The following ETV6 variants were observed in gnomAD, a reference collection of about 807,000 sequenced individuals.
ETV6 encodes the protein ETS variant transcription factor 6.
In ETV6, 16 loss-of-function variants were observed where a neutral mutation model predicts 51.1. That is an observed-to-expected ratio of 0.31 (90% CI 0.21 to 0.48). The LOEUF (loss-of-function observed/expected upper bound fraction) is 0.48, where lower values mean the gene tolerates loss of function less well. Ranked by LOEUF, ETV6 falls within the 20% of genes least tolerant of loss-of-function variation. ETV6 has a pLI of 0.99. For missense variants in ETV6, 458 were observed against 594.8 expected, an observed-to-expected ratio of 0.77 and a Z score of 2.39; for synonymous variants, 240 against 224.1, an observed-to-expected ratio of 1.07 and a Z score of -0.64.
intron 1 of ETV6, among the ~76,000 whole-genome samples, chr12:11,724,941 A>G (rs1197265326): frequency 6.6e-6 from 1 of 152,142 alleles, no homozygotes; most frequent in African/African-American, 2.4e-5. Flanking sequence ...GTTGCTCCAG[A>G]CACATAGGTC....
At chr12:11,825,608 G>T (rs1327038310) in intron 2 of ETV6, 2 of 152,146 alleles carry the variant, frequency 1.3e-5, no homozygotes, top group Non-Finnish European at 2.9e-5. Flanking sequence ...AATGACGTCT[G>T]CAAAGAGCCA....
At position 11,722,283 on chromosome 12, in the gene ETV6, T is replaced by C. The variant is rs1463843522; in HGVS notation, c.34-30167T>C. Among the ~76,000 whole-genome samples the C allele has an allele frequency of 2.6e-5, 4 of 152,304 alleles. No homozygotes were observed. In the East Asian group the frequency reaches 7.7e-4, roughly 29 times the overall value. On this transcript the variant is annotated intron_variant, in intron 1 of 7. Coordinates refer to ENST00000396373, the MANE Select transcript of ETV6 (RefSeq NM_001987.5). Reference sequence around the variant, plus strand: ...CTCCCCTGGGTATCTTCAGTAGAGGTGCTAATGAACAGTGAAATGGCCAAA... The same window carrying C: ...CTCCCCTGGGTATCTTCAGTAGAGGCGCTAATGAACAGTGAAATGGCCAAA...
At chr12:11,662,001 A>G (rs1375073110) in intron 1 of ETV6, among the ~76,000 whole-genome samples, 2 of 152,112 alleles carry the variant, frequency 1.3e-5, no homozygotes, top group African/African-American at 2.4e-5. Flanking sequence ...AGTATCTTTA[A>G]CTTTCGCCGA....
At chr12:11,684,937 G>A (rs770795960) in intron 1 of ETV6, among the ~76,000 whole-genome samples, 1 of 152,108 alleles carries the variant, frequency 6.6e-6, no homozygotes, top group Non-Finnish European at 1.5e-5. Context: ...ATCAGTGCTC[G>A]GAAAGAAACA....
chr12:11,759,248 C>A (rs1190013271), intron 2 of ETV6, among the ~76,000 whole-genome samples: 3 of 151,796 alleles, frequency 2.0e-5, no homozygotes, highest in Admixed American at 6.6e-5. Context: ...GCTCTGTGTA[C>A]ATTTAAGGCA....
At position 11,776,352 on chromosome 12, in the gene ETV6, T is replaced by C. The variant is rs1320370979; in HGVS notation, c.163+23773T>C. Among the ~76,000 whole-genome samples the C allele has an allele frequency of 2.0e-5, 3 of 152,230 alleles. No homozygotes were observed. In the East Asian group the frequency reaches 5.8e-4, roughly 29 times the overall value. The stretch of plus-strand genomic sequence containing the variant: ...AATAAATACCAACAAATACTAGAAA[T>C]GTTGATTTTTAGAATAATAAAATAT... On this transcript the variant is annotated intron_variant, in intron 2 of 7. Transcript: ENST00000396373.
rs144398801 is a variant in ETV6 at position 11,815,427 on chromosome 12, C to T, written c.164-23713C>T. 3.3e-5 allele frequency among the ~76,000 whole-genome samples: 5 copies of T among 152,344 alleles called. No individual in the cohort carries two copies. In the East Asian group the frequency reaches 9.6e-4, roughly 29 times the overall value. On this transcript the variant is annotated intron_variant, in intron 2 of 7. Transcript: ENST00000396373. Reference sequence around the variant, plus strand: ...GGAGAGTCCTCTTGGAGGACACCGACCCGTGGTGCCACCTCTGATTTGCAA... The same window carrying T: ...GGAGAGTCCTCTTGGAGGACACCGATCCGTGGTGCCACCTCTGATTTGCAA...
intron 4 of ETV6, among the ~76,000 whole-genome samples, chr12:11,857,181 A>G (rs1048790664): frequency 2.0e-5 from 3 of 152,254 alleles, no homozygotes; most frequent in South Asian, 2.1e-4. Flanking sequence ...TTTATATCAC[A>G]GTACAAATGT....
rs776231778 is a variant in ETV6, at chr12:11,883,276, C to CTTCTTCTTTTTT, written c.1010-1167_1010-1166insCTTCTTTTTTTT. Among the ~76,000 whole-genome samples the CTTCTTCTTTTTT allele has an allele frequency of 2.9e-3, 228 of 78,986 alleles. 4 individuals are homozygous for CTTCTTCTTTTTT. The highest frequency in any genetic ancestry group is 6.9e-3 in the Middle Eastern group (1 of 144). 51.8% of individuals were successfully genotyped at this position (78,986 alleles called of 152,430 possible). The stretch of plus-strand genomic sequence containing the variant: ...GGGAAGGTGTACATCATGTCTTCTT[C>CTTCTTCTTTTTT]TTTTTTTTTTTTTTTTTTTTTTTTT... On this transcript the variant is annotated intron_variant, in intron 5 of 7. Coordinates refer to ENST00000396373, the MANE Select transcript of ETV6 (RefSeq NM_001987.5).
At chr12:11,786,209 G>A (rs1171243718) in intron 2 of ETV6, among the ~76,000 whole-genome samples, 1 of 152,034 alleles carries the variant, frequency 6.6e-6, no homozygotes, top group Non-Finnish European at 1.5e-5. Context: ...AGTATGGTAT[G>A]ACGCCATCAT....
At chr12:11,796,824 T>C (rs566253036) in intron 2 of ETV6, among the ~76,000 whole-genome samples, 127 of 151,810 alleles carry the variant, frequency 8.4e-4, no homozygotes, top group African/African-American at 3.1e-3. Flanking sequence ...TCTCTCTCTG[T>C]CACCCAGGCT....
chr12:11,891,453 T>TATC lies in ETV6; in HGVS notation c.*408_*410dup, dbSNP rs1472953217. 2 of 388,574 alleles carry TATC rather than the reference T, an allele frequency of 5.1e-6. No individual in the cohort carries two copies. Among genetic ancestry groups the TATC allele is most frequent in the East Asian group, 9.8e-5 (2 of 20,512 alleles). The allele number at this position is 388,574 out of a possible 1,614,324, so 24.1% of individuals were successfully genotyped here. On this transcript the variant is annotated 3_prime_UTR_variant, in exon 8 of 8. Coordinates refer to ENST00000396373, the MANE Select transcript of ETV6 (RefSeq NM_001987.5). The stretch of plus-strand genomic sequence containing the variant: ...GATGTTGTTTTCCTATGGAAATATA[T>TATC]ATCTATTATATATATATTTTTTGCA...
At chr12:11,766,958 C>G (rs1282414702) in intron 2 of ETV6, among the ~76,000 whole-genome samples, 1 of 152,214 alleles carries the variant, frequency 6.6e-6, no homozygotes, top group Non-Finnish European at 1.5e-5. Flanking sequence ...TCAGTTCCAT[C>G]AGCCTGCATG....
At chr12:11,868,122 C>T (rs963957755) in intron 4 of ETV6, among the ~76,000 whole-genome samples, 2 of 152,174 alleles carry the variant, frequency 1.3e-5, no homozygotes, top group African/African-American at 4.8e-5. Flanking sequence ...GCAAAGTGCT[C>T]CCAAAAGTTC....
intron 1 of ETV6, among the ~76,000 whole-genome samples, chr12:11,750,273 C>T (rs1285476563): frequency 1.3e-5 from 2 of 152,204 alleles, no homozygotes; most frequent in African/African-American, 4.8e-5. Context: ...ACAGTATATA[C>T]ACTTTCAGGG....
At chr12:11,684,967 T>G (rs1393856723) in intron 1 of ETV6, among the ~76,000 whole-genome samples, 1 of 151,866 alleles carries the variant, frequency 6.6e-6, no homozygotes, top group African/African-American at 2.4e-5. Context: ...ACAGAGAGAG[T>G]GACGCAGGGC....
At chr12:11,821,058 G>T (rs945642400) in intron 2 of ETV6, among the ~76,000 whole-genome samples, 3 of 152,132 alleles carry the variant, frequency 2.0e-5, no homozygotes, top group African/African-American at 7.2e-5. Context: ...GGACCAGAAG[G>T]GGGTGTAAAA....
At chr12:11,767,887 C>A (rs528836214) in intron 2 of ETV6, among the ~76,000 whole-genome samples, 16 of 152,160 alleles carry the variant, frequency 1.1e-4, no homozygotes, top group South Asian at 1.0e-3. Flanking sequence ...TCTATAGCAA[C>A]TTGTTTTGAG....
At chr12:11,735,415 G>C (rs1411742554) in intron 1 of ETV6, among the ~76,000 whole-genome samples, 1 of 152,172 alleles carries the variant, frequency 6.6e-6, no homozygotes, top group Non-Finnish European at 1.5e-5. Context: ...TATGGGGTGA[G>C]GCTGAAGAGC....
Sources: gnomAD v4.1 joint callset for allele counts (sites outside exome capture counted in the v4.1 genomes callset) on GRCh38, gnomAD v4.1.1 for gene constraint, MANE v1.5 for transcripts, NCBI Gene and HGNC (gene_info 2026-07-23, HGNC 2026-07-21) for gene names.